KAT2B: variants seen among roughly 807,000 people sequenced by gnomAD.
The protein encoded by KAT2B is lysine acetyltransferase 2B.
In KAT2B, 36 loss-of-function variants were observed where a neutral mutation model predicts 105.9. The observed-to-expected ratio is 0.34, with a 90% CI of 0.26 to 0.45. The LOEUF is 0.45. Among genes scored for constraint, KAT2B ranks in the 20% least tolerant of loss-of-function variants. The pLI, the probability that KAT2B is intolerant of heterozygous loss-of-function variation, is 1.00. For missense variants in KAT2B, 820 were observed against 1,021.6 expected (o/e 0.80, Z 2.69); for synonymous variants, 397 against 377.9 (o/e 1.05, Z -0.59).
intron 12 of KAT2B, among the ~76,000 whole-genome samples, chr3:20,137,320 T>C (rs2125189115): frequency 6.6e-6 from 1 of 152,318 alleles, no homozygotes; most frequent in Non-Finnish European, 1.5e-5. Flanking sequence ...TTCTAAAATA[T>C]GGTTTCTAAT....
intron 1 of KAT2B, among the ~76,000 whole-genome samples, chr3:20,043,765 C>T (rs772201923): frequency 6.6e-6 from 1 of 151,606 alleles, no homozygotes; most frequent in Non-Finnish European, 1.5e-5. Flanking sequence ...TGATTGGGTA[C>T]GAGGGAGTGT....
intron 6 of KAT2B, among the ~76,000 whole-genome samples, chr3:20,114,172 T>A (rs776198352): frequency 3.9e-5 from 6 of 152,216 alleles, no homozygotes; most frequent in Admixed American, 6.5e-5. Flanking sequence ...ATGATTTCTA[T>A]GGGTTGCCAA....
At chr3:20,063,638 G>A (rs1698176912) in intron 1 of KAT2B, among the ~76,000 whole-genome samples, 1 of 145,094 alleles carries the variant, frequency 6.9e-6, no homozygotes, top group Non-Finnish European at 1.5e-5. Context: ...TGCCTCCCAG[G>A]TTCAAGCAAT....
At chr3:20,044,713 C>T (rs1174097853) in intron 1 of KAT2B, among the ~76,000 whole-genome samples, 2 of 152,174 alleles carry the variant, frequency 1.3e-5, no homozygotes, top group Non-Finnish European at 2.9e-5. Flanking sequence ...CTTTCCTTTA[C>T]CCCCCTGAGC....
chr3:20,138,759 G>T (rs541766901), intron 12 of KAT2B, among the ~76,000 whole-genome samples: 1 of 152,156 alleles, frequency 6.6e-6, no homozygotes, highest in South Asian at 2.1e-4. Context: ...ATTGATTTGT[G>T]AGAACTATTA....
intron 2 of KAT2B, among the ~76,000 whole-genome samples, chr3:20,082,790 C>T (rs1019598799): frequency 5.3e-5 from 8 of 152,146 alleles, no homozygotes; most frequent in Non-Finnish European, 1.0e-4. Flanking sequence ...TCCCTCCCCA[C>T]CAAATACGTA....
At chr3:20,076,706 A>G (rs888979378) in intron 2 of KAT2B, among the ~76,000 whole-genome samples, 1 of 152,018 alleles carries the variant, frequency 6.6e-6, no homozygotes, top group Non-Finnish European at 1.5e-5. Context: ...AGTTTCCTAC[A>G]TTTTTTCTTA....
intron 7 of KAT2B, among the ~76,000 whole-genome samples, chr3:20,118,240 T>C (rs1699239946): frequency 6.8e-6 from 1 of 146,692 alleles, no homozygotes; most frequent in Non-Finnish European, 1.5e-5. Context: ...TGTAAATATA[T>C]TTACATTTTT....
At chr3:20,044,423 A>AAAAT (rs983062678) in intron 1 of KAT2B, among the ~76,000 whole-genome samples, 2 of 152,076 alleles carry the variant, frequency 1.3e-5, no homozygotes, top group Non-Finnish European at 2.9e-5. Flanking sequence ...CCTAAAAAAA[A>AAAAT]AAATAAATAA....
intron 8 of KAT2B, 56 bp from the exon 9 acceptor site, chr3:20,122,612 T>C (rs1699330002): frequency 1.4e-6 from 2 of 1,397,686 alleles, no homozygotes; most frequent in East Asian, 2.3e-5. Flanking sequence ...TGGCGTGTAT[T>C]ATTTGTTTTG....
chr3:20,079,891 A>G (rs190289873), intron 2 of KAT2B, among the ~76,000 whole-genome samples: 12 of 152,308 alleles, frequency 7.9e-5, no homozygotes, highest in Admixed American at 6.5e-4. Context: ...TGGGTCGGGC[A>G]CAGCAGGAGT....
At chr3:20,134,467 G>A (rs1011971962) in intron 11 of KAT2B, among the ~76,000 whole-genome samples, 2 of 152,226 alleles carry the variant, frequency 1.3e-5, no homozygotes, top group African/African-American at 2.4e-5. Context: ...CGCGATCTCA[G>A]CTCAGATCTT....
chr3:20,073,480 A>G (rs1300500647), intron 2 of KAT2B, among the ~76,000 whole-genome samples: 3 of 152,190 alleles, frequency 2.0e-5, no homozygotes. Context: ...GTATTTCAAT[A>G]TTTACAGAGC....
At position 20,040,717 on chromosome 3, in the gene KAT2B, G is replaced by T. The variant is rs1158461325; in HGVS notation, c.240G>T (p.Ala80=). The change falls in exon 1 of 18, where the codon GCG becomes GCT. Residue 80 remains alanine, a synonymous_variant. Coordinates refer to ENST00000263754, the MANE Select transcript of KAT2B (RefSeq NM_003884.5). ...CGGCCCGAATCGCCGTGAAGAAAGCGCAACTACGCTCCGCTCCGCGGGCCA... is the reference window on the plus strand; with the variant it reads ...CGGCCCGAATCGCCGTGAAGAAAGCTCAACTACGCTCCGCTCCGCGGGCCA... The part of the protein sequence containing the change: ...GGSARIAVKK[A]QLRSAPRAKK... 3.1e-6 allele frequency: 5 copies of T among 1,593,180 alleles called. No homozygotes were observed. Among genetic ancestry groups the T allele is most frequent in the Non-Finnish European group, 4.3e-6 (5 of 1,172,990 alleles).
chr3:20,059,514 G>A (rs1310358985), intron 1 of KAT2B, among the ~76,000 whole-genome samples: 2 of 150,016 alleles, frequency 1.3e-5, no homozygotes, highest in African/African-American at 2.5e-5. Context: ...TCAGGAGATC[G>A]AGACCACGGT....
At chr3:20,075,498 A>G (rs1050617590) in intron 2 of KAT2B, among the ~76,000 whole-genome samples, 1 of 152,054 alleles carries the variant, frequency 6.6e-6, no homozygotes, top group African/African-American at 2.4e-5. Context: ...TAGTGCTCCC[A>G]CTTCAGATGC....
chr3:20,133,486 TTAA>T (rs769829584), intron 11 of KAT2B, among the ~76,000 whole-genome samples: 8 of 152,232 alleles, frequency 5.3e-5, no homozygotes, highest in Non-Finnish European at 1.0e-4. Flanking sequence ...GGAATTTCTA[TTAA>T]TGCTGATATA....
chr3:20,041,348 C>G (rs945479929), intron 1 of KAT2B, among the ~76,000 whole-genome samples: 2 of 152,034 alleles, frequency 1.3e-5, no homozygotes, highest in African/African-American at 2.4e-5. Context: ...GCCTGGCGCC[C>G]TCGGCTGGGG....
chr3:20,062,013 TTATATATAAAACATAATATATATTA>T (rs1559513945), intron 1 of KAT2B, among the ~76,000 whole-genome samples: 1 of 70,200 alleles, frequency 1.4e-5, no homozygotes, highest in Non-Finnish European at 3.1e-5. Context: ...ATAATATATA[TTATATATAAAACATAATATATATTA>T]TATATAAAAC....
Sources: gnomAD v4.1 joint callset for allele counts (sites outside exome capture counted in the v4.1 genomes callset) on GRCh38, gnomAD v4.1.1 for gene constraint, MANE v1.5 for transcripts, NCBI Gene and HGNC (gene_info 2026-07-23, HGNC 2026-07-21) for gene names.